The following MAGI2 variants were observed in gnomAD, a reference collection of about 807,000 sequenced individuals.
The protein encoded by MAGI2 is membrane-associated guanylate kinase, WW and PDZ domain-containing protein 2.
MAGI2 carries 35 observed loss-of-function variants against 133.3 expected under a neutral mutation model. The ratio of observed to expected loss-of-function variants is 0.26; its 90% CI spans 0.20 to 0.35. The LOEUF is 0.35. Ranked by LOEUF, MAGI2 falls within the 10% of genes least tolerant of loss-of-function variation. The pLI is 1.00. For synonymous variants in MAGI2, 729 were observed against 710.6 expected, an observed-to-expected ratio of 1.03 and a Z score of -0.41; for missense variants, 1,636 against 1,863.4, an observed-to-expected ratio of 0.88 and a Z score of 2.25.
intron 2 of MAGI2, among the ~76,000 whole-genome samples, chr7:78,812,100 C>T (rs958751473): frequency 6.6e-6 from 1 of 152,032 alleles, no homozygotes; most frequent in Non-Finnish European, 1.5e-5. Context: ...CTCAAGAATC[C>T]GGGAAAGGCG....
chr7:78,821,527 T>C (rs1563545218), intron 2 of MAGI2, among the ~76,000 whole-genome samples: 1 of 152,094 alleles, frequency 6.6e-6, no homozygotes. Flanking sequence ...TAGAAGCAAG[T>C]ATATTGTATT....
At chr7:79,079,343 C>T (rs1262882329) in intron 1 of MAGI2, among the ~76,000 whole-genome samples, 5 of 152,118 alleles carry the variant, frequency 3.3e-5, no homozygotes, top group Non-Finnish European at 7.4e-5. Flanking sequence ...TCATATTTTT[C>T]TGTGACATAT....
intron 1 of MAGI2, among the ~76,000 whole-genome samples, chr7:79,224,943 C>T (rs1830719755): frequency 6.6e-6 from 1 of 152,168 alleles, no homozygotes; most frequent in African/African-American, 2.4e-5. Flanking sequence ...CACCACAAAA[C>T]AAATGGATTT....
chr7:78,837,072 TA>T (rs1791693738), intron 2 of MAGI2, among the ~76,000 whole-genome samples: 1 of 152,140 alleles, frequency 6.6e-6, no homozygotes, highest in Admixed American at 6.6e-5. Flanking sequence ...ACATTATTGT[TA>T]CTTCTGTTTT....
At chr7:78,339,353 T>C (rs1790111674) in intron 9 of MAGI2, among the ~76,000 whole-genome samples, 1 of 151,954 alleles carries the variant, frequency 6.6e-6, no homozygotes, top group Non-Finnish European at 1.5e-5. Flanking sequence ...AAATTCTAAA[T>C]AAAGCTTTGA....
intron 9 of MAGI2, among the ~76,000 whole-genome samples, chr7:78,339,882 T>C (rs546562369): frequency 7.9e-4 from 120 of 152,326 alleles, no homozygotes; most frequent in Middle Eastern, 6.8e-3. Flanking sequence ...AGATATAATA[T>C]GCATTATTAC....
chr7:79,425,147 AG>A (rs1233557124), intron 1 of MAGI2, among the ~76,000 whole-genome samples: 1 of 151,454 alleles, frequency 6.6e-6, no homozygotes, highest in African/African-American at 2.4e-5. Context: ...GCTGCTTGGG[AG>A]GGCTAAGTCA....
chr7:78,999,307 T>C (rs1385746960), intron 2 of MAGI2, among the ~76,000 whole-genome samples: 2 of 152,068 alleles, frequency 1.3e-5, no homozygotes, highest in Non-Finnish European at 2.9e-5. Flanking sequence ...TTATTCCTTT[T>C]TTTTTTTCGG....
chr7:78,230,428 G>A (rs1386289234), intron 10 of MAGI2, among the ~76,000 whole-genome samples: 1 of 152,076 alleles, frequency 6.6e-6, no homozygotes, highest in African/African-American at 2.4e-5. Context: ...TTTTACCATA[G>A]GTGTATACAA....
chr7:79,175,762 T>C (rs1562964483), intron 1 of MAGI2, among the ~76,000 whole-genome samples: 2 of 152,058 alleles, frequency 1.3e-5, no homozygotes, highest in Non-Finnish European at 2.9e-5. Context: ...AATAAGTATT[T>C]GTGTATTCGA....
chr7:79,165,527 A>G (rs571400320), intron 1 of MAGI2, among the ~76,000 whole-genome samples: 1 of 152,230 alleles, frequency 6.6e-6, no homozygotes, highest in Non-Finnish European at 1.5e-5. Context: ...ATTTAGGACT[A>G]CAAACACATA....
intron 6 of MAGI2, among the ~76,000 whole-genome samples, chr7:78,380,872 T>A (rs1325017553): frequency 6.6e-6 from 1 of 152,130 alleles, no homozygotes; most frequent in African/African-American, 2.4e-5. Flanking sequence ...ACACTGTGTA[T>A]CCACAAAAAT....
intron 2 of MAGI2, among the ~76,000 whole-genome samples, chr7:78,774,484 C>CT (rs1453724617): frequency 6.6e-6 from 1 of 152,180 alleles, no homozygotes; most frequent in East Asian, 1.9e-4. Flanking sequence ...TAATTCACTT[C>CT]TTTGATTCTT....
chr7:78,760,225 T>C (rs1824358749), intron 2 of MAGI2, among the ~76,000 whole-genome samples: 1 of 152,344 alleles, frequency 6.6e-6, no homozygotes, highest in African/African-American at 2.4e-5. Context: ...CATTATATAA[T>C]ATTTTTAAGG....
chr7:78,780,692 A>G (rs1826325990), intron 2 of MAGI2, among the ~76,000 whole-genome samples: 2 of 152,202 alleles, frequency 1.3e-5, no homozygotes, highest in Non-Finnish European at 2.9e-5. Flanking sequence ...GAGGCTTTCA[A>G]AGAACCCAAG....
chr7:78,435,354 T>A (rs1228692801), intron 6 of MAGI2, among the ~76,000 whole-genome samples: 1 of 152,078 alleles, frequency 6.6e-6, no homozygotes, highest in Admixed American at 6.6e-5. Context: ...GAAATTCAAG[T>A]TGTTAACCTC....
chr7:78,276,611 T>C (rs1795082776), intron 9 of MAGI2, among the ~76,000 whole-genome samples: 1 of 143,894 alleles, frequency 6.9e-6, no homozygotes, highest in Admixed American at 7.2e-5. Context: ...ACACTAATTT[T>C]AACAATTTAC....
chr7:78,728,545 T>TATATCTGAAAAAATGATTCATCTTAC (rs1483845832), intron 2 of MAGI2, among the ~76,000 whole-genome samples: 1 of 3,678 alleles, frequency 2.7e-4, no homozygotes, highest in Non-Finnish European at 6.0e-4. Flanking sequence ...CTGATCTTTT[T>TATATCTGAAAAAATGATTCATCTTAC]TTTTTTTTTT....
At chr7:78,121,953 A>C (rs186345467) in intron 20 of MAGI2, among the ~76,000 whole-genome samples, 11 of 152,360 alleles carry the variant, frequency 7.2e-5, no homozygotes, top group Admixed American at 5.9e-4. Context: ...CCTTGGATGA[A>C]TCTCATGAAC....
Sources: gnomAD v4.1 joint callset for allele counts (sites outside exome capture counted in the v4.1 genomes callset) on GRCh38, gnomAD v4.1.1 for gene constraint, MANE v1.5 for transcripts, NCBI Gene and HGNC (gene_info 2026-07-23, HGNC 2026-07-21) for gene names.